Variants in SLC27A6 observed in about 807,000 individuals in gnomAD.
The protein encoded by SLC27A6 is solute carrier family 27 member 6, also known as long-chain fatty acid transport protein 6.
Under a neutral mutation model 63.9 loss-of-function variants are expected in SLC27A6, and 74 were observed. The ratio of observed to expected loss-of-function variants is 1.16; its 90% CI spans 0.96 to 1.40. The LOEUF is 1.40. Ranked by LOEUF, SLC27A6 falls within the 40% of genes most tolerant of loss-of-function variation. SLC27A6 has a pLI of 0.00. For synonymous variants in SLC27A6, 287 were observed against 260.8 expected, an observed-to-expected ratio of 1.10 and a Z score of -0.97; for missense variants, 794 against 732.9, an observed-to-expected ratio of 1.08 and a Z score of -0.96.
intron 1 of SLC27A6, among the ~76,000 whole-genome samples, chr5:128,982,343 CCT>C (rs775375695): frequency 1.3e-5 from 2 of 152,136 alleles, no homozygotes; most frequent in East Asian, 3.8e-4. Context: ...CATTGTATCT[CCT>C]CTGATTCCTA....
At chr5:128,968,942 AAGGTGTAAGG>A (rs1470196247) in intron 1 of SLC27A6, among the ~76,000 whole-genome samples, 1 of 152,214 alleles carries the variant, frequency 6.6e-6, no homozygotes, top group Non-Finnish European at 1.5e-5. Context: ...AATTTTGTAT[AAGGTGTAAGG>A]AAGGTATCCA....
chr5:129,010,303 C>G (rs910567418), intron 4 of SLC27A6, among the ~76,000 whole-genome samples: 2 of 152,064 alleles, frequency 1.3e-5, no homozygotes, highest in South Asian at 2.1e-4. Flanking sequence ...ATACAAATTA[C>G]AAATTAAAAA....
intron 1 of SLC27A6, among the ~76,000 whole-genome samples, chr5:128,977,006 G>A (rs923794794): frequency 6.6e-6 from 1 of 152,126 alleles, no homozygotes; most frequent in African/African-American, 2.4e-5. Flanking sequence ...TACCTTTTGG[G>A]AGTGATGATT....
In SLC27A6 at chr5:129,000,313, A is replaced by G. The variant is rs550932373; in HGVS notation, c.969+9849A>G. Among the ~76,000 whole-genome samples the G allele has an allele frequency of 3.3e-5, 5 of 152,214 alleles. No homozygotes were observed. In the East Asian group the frequency reaches 5.8e-4, roughly 18 times the overall value. ...CTCTCTTAATCTTCTTCCCTCCACT[A>G]TTGCATAAGTTCCATTATGTATTAT... On this transcript the variant is annotated intron_variant, in intron 4 of 9. Transcript: ENST00000262462.
chr5:129,001,484 A>G (rs182869692), intron 4 of SLC27A6, among the ~76,000 whole-genome samples: 1 of 152,282 alleles, frequency 6.6e-6, no homozygotes. Context: ...GGTGTGACAC[A>G]TGTATATATA....
chr5:128,970,093 C>T (rs1750080296), intron 1 of SLC27A6, among the ~76,000 whole-genome samples: 1 of 147,976 alleles, frequency 6.8e-6, no homozygotes, highest in Non-Finnish European at 1.5e-5. Context: ...CTGAACAAGC[C>T]TTGCATCCCA....
chr5:128,969,973 AG>A (rs1419331767), intron 1 of SLC27A6, among the ~76,000 whole-genome samples: 1 of 152,162 alleles, frequency 6.6e-6, no homozygotes, highest in African/African-American at 2.4e-5. Flanking sequence ...TTTAGCATGA[AG>A]GGCTGTTGAA....
intron 4 of SLC27A6, among the ~76,000 whole-genome samples, chr5:128,992,037 A>T (rs1751000500): frequency 6.6e-6 from 1 of 151,346 alleles, no homozygotes; most frequent in Admixed American, 6.6e-5. Context: ...ATTATAAATT[A>T]TTTATCTTTT....
chr5:129,008,484 C>T (rs749901990), intron 4 of SLC27A6, among the ~76,000 whole-genome samples: 2 of 152,158 alleles, frequency 1.3e-5, no homozygotes, highest in Non-Finnish European at 2.9e-5. Flanking sequence ...ATGATACTTG[C>T]TAAAACTCAT....
intron 4 of SLC27A6, among the ~76,000 whole-genome samples, chr5:129,010,468 G>C (rs768550768): frequency 6.6e-6 from 1 of 152,122 alleles, no homozygotes; most frequent in African/African-American, 2.4e-5. Context: ...CAATATAATC[G>C]TATCAGACTT....
chr5:129,004,132 T>C (rs997191253), intron 4 of SLC27A6, among the ~76,000 whole-genome samples: 3 of 152,154 alleles, frequency 2.0e-5, no homozygotes, highest in African/African-American at 7.2e-5. Context: ...CTTGAGGAAT[T>C]GTCTCATTCA....
chr5:129,001,486 G>T (rs1241440614), intron 4 of SLC27A6, among the ~76,000 whole-genome samples: 2 of 152,086 alleles, frequency 1.3e-5, no homozygotes, highest in African/African-American at 4.8e-5. Context: ...TGTGACACAT[G>T]TATATATATA....
chr5:128,977,940 T>C (rs1240277799), intron 1 of SLC27A6, among the ~76,000 whole-genome samples: 1 of 152,162 alleles, frequency 6.6e-6, no homozygotes, highest in Non-Finnish European at 1.5e-5. Flanking sequence ...TAGATGGTAA[T>C]CTTGGCAGCA....
At chr5:129,019,091 T>C (rs1421038675) in intron 5 of SLC27A6, among the ~76,000 whole-genome samples, 1 of 152,026 alleles carries the variant, frequency 6.6e-6, no homozygotes, top group African/African-American at 2.4e-5. Flanking sequence ...ATGTTACAAG[T>C]GAAGGAGAAA....
intron 1 of SLC27A6, among the ~76,000 whole-genome samples, chr5:128,974,422 A>T (rs1750304306): frequency 6.6e-6 from 1 of 152,172 alleles, no homozygotes; most frequent in Non-Finnish European, 1.5e-5. Flanking sequence ...TATAAATGAG[A>T]TATATGTTTT....
At position 128,965,921 on chromosome 5, in the gene SLC27A6, T is replaced by G. The variant is rs1010756827; in HGVS notation, c.-217T>G. ...CAGCCGCCCAGTGACCCAAGCTTAA[T>G]CTTCAGCACCACTTGGGGCGACCTT... On this transcript the variant is annotated 5_prime_UTR_variant, in exon 1 of 10. Transcript: ENST00000262462. The G allele has an allele frequency of 1.6e-5, 7 of 451,096 alleles. No homozygotes were observed. In the East Asian group the frequency reaches 2.4e-4, roughly 16 times the overall value. 27.9% of individuals were successfully genotyped at this position (451,096 alleles called of 1,614,324 possible).
intron 1 of SLC27A6, among the ~76,000 whole-genome samples, chr5:128,978,051 G>C (rs1454679254): frequency 6.6e-6 from 1 of 152,154 alleles, no homozygotes; most frequent in Non-Finnish European, 1.5e-5. Flanking sequence ...AATTTGGGAT[G>C]CCATTTGATA....
chr5:129,030,420 A>G (rs1236646837), intron 9 of SLC27A6, among the ~76,000 whole-genome samples: 1 of 151,982 alleles, frequency 6.6e-6, no homozygotes, highest in Non-Finnish European at 1.5e-5. Context: ...TATTTCACTA[A>G]TAGACTCCTA....
chr5:128,972,525 A>G (rs1016202706), intron 1 of SLC27A6, among the ~76,000 whole-genome samples: 1 of 152,092 alleles, frequency 6.6e-6, no homozygotes, highest in Non-Finnish European at 1.5e-5. Context: ...TTGATCTTCA[A>G]TCACTGATAC....
Sources: allele counts gnomAD v4.1 joint callset (sites outside exome capture counted in the v4.1 genomes callset), GRCh38; gene constraint gnomAD v4.1.1; transcripts MANE v1.5; gene names NCBI Gene and HGNC (gene_info 2026-07-23, HGNC 2026-07-21).